Variants in SMARCA2 observed in about 807,000 individuals in gnomAD.
SMARCA2 encodes SWI/SNF related BAF chromatin remodeling complex subunit ATPase 2, also known as SWI/SNF-related matrix-associated actin-dependent regulator of chromatin subfamily A member 2.
Under a neutral mutation model 199.8 loss-of-function variants are expected in SMARCA2, and 61 were observed. The ratio of observed to expected loss-of-function variants is 0.31; its 90% confidence interval spans 0.25 to 0.38. The LOEUF (loss-of-function observed/expected upper bound fraction) is 0.38. Ranked by LOEUF, SMARCA2 falls within the 10% of genes least tolerant of loss-of-function variation. SMARCA2 has a pLI of 1.00. For synonymous variants in SMARCA2, 935 were observed against 732.0 expected (o/e 1.28, Z -4.48); for missense variants, 1,344 against 2,012.2 (o/e 0.67, Z 6.35).
At position 2,058,480 on chromosome 9, in the gene SMARCA2, C is replaced by G; in HGVS notation, c.1521+16C>G. The G allele has an allele frequency of 1.2e-6, 2 of 1,610,076 alleles. No homozygotes were observed. The highest frequency in any genetic ancestry group is 2.7e-5 in the African/African-American group (2 of 74,888). ...GCGACTGATGGTAAGGAACTCCCTG[C>G]AGGAGCCCAGGAAACTACTCAACCC... On this transcript the variant is annotated intron_variant, in intron 8 of 33. Coordinates refer to ENST00000349721, the MANE Select transcript of SMARCA2 (RefSeq NM_003070.5).
chr9:2,071,377 G>C (rs1245627112), intron 10 of SMARCA2, among the ~76,000 whole-genome samples: 1 of 152,168 alleles, frequency 6.6e-6, no homozygotes, highest in African/African-American at 2.4e-5. Context: ...AAACTCCGTG[G>C]GCTGTTACTG....
At chr9:2,069,600 C>G (rs528829143) in intron 9 of SMARCA2, among the ~76,000 whole-genome samples, 1 of 151,606 alleles carries the variant, frequency 6.6e-6, no homozygotes, top group Non-Finnish European at 1.5e-5. Context: ...AATTCTTCAT[C>G]AGATAACAAT....
chr9:2,036,177 A>AGTGTGT (rs140964092), intron 3 of SMARCA2, among the ~76,000 whole-genome samples: 12 of 147,916 alleles, frequency 8.1e-5, no homozygotes, highest in African/African-American at 2.7e-4. Context: ...ATATTTAAAT[A>AGTGTGT]GTGTGTGTGT....
chr9:2,035,378 T>C (rs913725257), intron 3 of SMARCA2, among the ~76,000 whole-genome samples: 3 of 152,142 alleles, frequency 2.0e-5, no homozygotes, highest in Admixed American at 2.0e-4. Context: ...GAGGTATAGA[T>C]GAGTAACGTT....
intron 29 of SMARCA2, among the ~76,000 whole-genome samples, chr9:2,179,955 A>T (rs1826900152): frequency 6.6e-6 from 1 of 152,238 alleles, no homozygotes; most frequent in African/African-American, 2.4e-5. Flanking sequence ...TGGGTGTATA[A>T]ATCTCAGAAT....
At position 2,032,977 on chromosome 9, in the gene SMARCA2, G is replaced by A. The variant is rs1007247960; in HGVS notation, c.251G>A (p.Gly84Glu). The A allele has an allele frequency of 6.2e-7, 1 of 1,613,970 alleles. No homozygotes were observed. Among genetic ancestry groups the A allele is most frequent in the Non-Finnish European group, 8.5e-7 (1 of 1,179,896 alleles). ...HKPIDGIHDK[G>E]IVEDIHCGSM... ...CCCATCGATGGTATACATGACAAGG[G>A]GATTGTAGAAGACATCCATTGTGGA... The change falls in exon 3 of 34, where the codon GGG (glycine) becomes GAG (glutamate). Residue 84 changes from glycine (G) to glutamate (E), a missense_variant. By Grantham distance (98) the Gly-to-Glu change is moderately conservative (BLOSUM62 -2). Around this residue, in one of 18 missense-constraint regions of SMARCA2, gnomAD observed 275 missense variants for 247.5 expected, o/e 1.11. Transcript: ENST00000349721.
intron 16 of SMARCA2, 145 bp downstream of exon 16, chr9:2,083,558 C>G: frequency 3.8e-6 from 2 of 529,482 alleles, no homozygotes; most frequent in Non-Finnish European, 6.7e-6. Flanking sequence ...AGTTAATCAT[C>G]CCAAGAAGAT....
chr9:2,160,895 A>G (rs1369856951), intron 27 of SMARCA2: 1 of 360,856 alleles, frequency 2.8e-6, no homozygotes, highest in African/African-American at 2.1e-5. Flanking sequence ...AAAAAAAAAA[A>G]AGTTTAAACT....
At chr9:2,019,186 G>T (rs1323531804) in intron 1 of SMARCA2, among the ~76,000 whole-genome samples, 1 of 151,926 alleles carries the variant, frequency 6.6e-6, no homozygotes, top group African/African-American at 2.4e-5. Context: ...TACCTTGGGG[G>T]CATCAGAGAG....
intron 27 of SMARCA2, among the ~76,000 whole-genome samples, chr9:2,142,930 G>A (rs951373422): frequency 2.6e-5 from 4 of 152,084 alleles, no homozygotes; most frequent in African/African-American, 9.7e-5. Flanking sequence ...TGGTGAGTAA[G>A]GCATCAATTT....
chr9:2,139,441 A>G (rs1250290322), intron 27 of SMARCA2, among the ~76,000 whole-genome samples: 3 of 152,202 alleles, frequency 2.0e-5, no homozygotes, highest in Admixed American at 2.0e-4. Context: ...AGACTGGTCG[A>G]GTCACCAACA....
chr9:2,113,858 G>C (rs1823110992), intron 24 of SMARCA2, among the ~76,000 whole-genome samples: 1 of 152,144 alleles, frequency 6.6e-6, no homozygotes, highest in African/African-American at 2.4e-5. Context: ...CTACTCGCGG[G>C]CTCGGTCTGA....
At chr9:2,118,100 C>T (rs1027584601) in intron 25 of SMARCA2, among the ~76,000 whole-genome samples, 3 of 152,118 alleles carry the variant, frequency 2.0e-5, no homozygotes, top group Middle Eastern at 3.2e-3. Context: ...GTCTGAGCCC[C>T]TCATGGTCCA....
At chr9:2,015,596 C>T (rs931593818) in intron 1 of SMARCA2, among the ~76,000 whole-genome samples, 192 bp downstream of exon 1, 39 of 152,224 alleles carry the variant, frequency 2.6e-4, no homozygotes, top group African/African-American at 8.2e-4. Flanking sequence ...CAAAAAAAAG[C>T]CCGCCTCCTC....
intron 4 of SMARCA2, chr9:2,041,236 A>G (rs1819590843): frequency 5.0e-6 from 2 of 398,030 alleles, no homozygotes; most frequent in Non-Finnish European, 8.9e-6. Flanking sequence ...ATTAATTGTT[A>G]TAGCCTTAAG....
chr9:2,108,696 A>T (rs952450501), intron 23 of SMARCA2, among the ~76,000 whole-genome samples: 2 of 152,216 alleles, frequency 1.3e-5, no homozygotes, highest in Admixed American at 6.5e-5. Context: ...GAAAGATGAT[A>T]GAGAAGGTTT....
chr9:2,180,054 G>T (rs1386253122), intron 29 of SMARCA2, among the ~76,000 whole-genome samples: 7 of 152,202 alleles, frequency 4.6e-5, no homozygotes, highest in Non-Finnish European at 8.8e-5. Context: ...TGTGGCATAA[G>T]TTAGGGAAGG....
chr9:2,131,636 T>C (rs1443507049), intron 27 of SMARCA2, among the ~76,000 whole-genome samples: 1 of 152,162 alleles, frequency 6.6e-6, no homozygotes, highest in African/African-American at 2.4e-5. Flanking sequence ...GTCTGCTGAC[T>C]ACTAAAATAA....
In SMARCA2 at chr9:2,070,478, GATCGTC is replaced by G. The variant is rs1821042055; in HGVS notation, c.1746+11_1746+16del. On this transcript the variant is annotated splice_region_variant and intron_variant, in intron 10 of 33. Transcript: ENST00000349721. Reference sequence around the variant, plus strand: ...CCTGGGACCGGATGGAGAGGTAAGGGATCGTCATCCTTTCCACTGTGTTCTGCTGAA... The same window carrying G: ...CCTGGGACCGGATGGAGAGGTAAGGGATCCTTTCCACTGTGTTCTGCTGAA... 1 of 1,609,650 alleles carries G rather than the reference GATCGTC, an allele frequency of 6.2e-7. No individual in the cohort carries two copies. The highest frequency in any genetic ancestry group is 8.5e-7 in the Non-Finnish European group (1 of 1,176,134).
Sources: gnomAD v4.1 joint callset for allele counts (sites outside exome capture counted in the v4.1 genomes callset) on GRCh38, gnomAD v4.1.1 for gene constraint, gnomAD v4.1.1 regional missense constraint, MANE v1.5 for transcripts, NCBI Gene and HGNC (gene_info 2026-07-23, HGNC 2026-07-21) for gene names.